Variants in MTRF1 observed in about 807,000 individuals in gnomAD.
MTRF1 encodes mitochondrial translation release factor 1.
Under a neutral mutation model 62.9 loss-of-function variants are expected in MTRF1, and 51 were observed. That is an observed-to-expected ratio of 0.81 (90% CI 0.65 to 1.02). The LOEUF is 1.02. Ranked by LOEUF, MTRF1 falls within the 50% of genes least tolerant of loss-of-function variation. The probability of loss-of-function intolerance (pLI) is 0.00; values close to 1 mark genes in which losing one functional copy is unlikely to be tolerated. For missense variants in MTRF1, 446 were observed against 530.0 expected (o/e 0.84, Z 1.56); for synonymous variants, 158 against 181.9 (o/e 0.87, Z 1.06).
chr13:41,234,860 A>AG (rs1490023465), intron 6 of MTRF1, among the ~76,000 whole-genome samples: 5 of 152,130 alleles, frequency 3.3e-5, no homozygotes, highest in African/African-American at 4.8e-5. Context: ...ATGGAGGTGT[A>AG]GGGGGCAGAG....
chr13:41,263,244 C>T (rs2040673521), intron 1 of MTRF1: 2 of 1,286,790 alleles, frequency 1.6e-6, no homozygotes, highest in East Asian at 5.6e-5. Flanking sequence ...CAAAACAAAA[C>T]AAGATGTTTA....
the MTRF1 span, among the ~76,000 whole-genome samples, chr13:41,287,261 T>C: frequency 6.6e-6 from 1 of 152,212 alleles, no homozygotes; most frequent in Non-Finnish European, 1.5e-5. Flanking sequence ...CTTTCATTCA[T>C]GGCGGAAGGT....
At chr13:41,218,378 C>T (rs1194114762) in intron 9 of MTRF1, among the ~76,000 whole-genome samples, 1 of 150,222 alleles carries the variant, frequency 6.7e-6, no homozygotes, top group African/African-American at 2.5e-5. Flanking sequence ...CCCACCTCTG[C>T]CTCTCAAAGT....
the MTRF1 span, among the ~76,000 whole-genome samples, chr13:41,272,353 G>T: frequency 4.6e-5 from 7 of 152,166 alleles, no homozygotes. Context: ...AACATTGTTT[G>T]TTGTTTGTTT....
intron 7 of MTRF1, among the ~76,000 whole-genome samples, chr13:41,228,170 AC>A (rs199765962): frequency 9.4e-6 from 1 of 106,824 alleles, no homozygotes; most frequent in Non-Finnish European, 2.2e-5. Flanking sequence ...TAAGGGAATC[AC>A]TTTATTATGT....
intron 2 of MTRF1, among the ~76,000 whole-genome samples, chr13:41,259,518 G>C (rs2040142939): frequency 6.6e-6 from 1 of 151,738 alleles, no homozygotes; most frequent in South Asian, 2.1e-4. Context: ...TGGCCAACAT[G>C]GTGAAACCCC....
At chr13:41,265,191 G>A (rs1179393564), upstream of MTRF1, among the ~76,000 whole-genome samples, 3 of 152,164 alleles carry the variant, frequency 2.0e-5, no homozygotes. Context: ...GGGAGGCCGA[G>A]CCAGGTGGAT....
In MTRF1 at chr13:41,252,563, AT is replaced by A. The variant is rs2039205165; in HGVS notation, c.697+81del. 1.0e-5 allele frequency: 11 copies of A among 1,081,396 alleles called. No homozygotes were observed. In the South Asian group the frequency reaches 1.6e-4, roughly 16 times the overall value. The allele number at this position is 1,081,396 out of a possible 1,614,324, so 67.0% of individuals were successfully genotyped here. A position where few individuals can be genotyped will look rare whatever the true frequency, so the allele number is the denominator to read the frequency against. On this transcript the variant is annotated intron_variant, in intron 5 of 9. Transcript: ENST00000379480. ...TATACACCAAAAGTTTCAAAAAAAA[AT>A]GGGACAATATGGTTCTAATCAAGAT... is the stretch of plus-strand genomic sequence containing the variant.
chr13:41,216,379 A>G lies in MTRF1; in HGVS notation c.*736T>C, dbSNP rs2031948575. On this transcript the variant is annotated 3_prime_UTR_variant, in exon 10 of 10. Transcript: ENST00000379480. ...AAGTCAAACAAAGAGTCTATTTAAA[A>G]TATCAGCTTATTGTTTATATAGTGT... 6.6e-6 allele frequency: 1 copy of G among 151,792 alleles called. No homozygotes were observed. Among genetic ancestry groups the G allele is most frequent in the Non-Finnish European group, 1.5e-5 (1 of 67,942 alleles). The allele number at this position is 151,792 out of a possible 1,614,324, so 9.4% of individuals were successfully genotyped here. A position where few individuals can be genotyped will look rare whatever the true frequency, so the allele number is the denominator to read the frequency against.
the MTRF1 span, among the ~76,000 whole-genome samples, chr13:41,282,208 G>T: frequency 6.6e-6 from 1 of 151,710 alleles, no homozygotes; most frequent in Middle Eastern, 3.2e-3. Context: ...GTAAGAATAG[G>T]CTAATGGCGA....
At chr13:41,243,649 G>GTTGCAGCAGGC (rs2037843806) in intron 5 of MTRF1, among the ~76,000 whole-genome samples, 1 of 152,090 alleles carries the variant, frequency 6.6e-6, no homozygotes, top group Non-Finnish European at 1.5e-5. Flanking sequence ...TGCAAGTAGG[G>GTTGCAGCAGGC]TAAAATCTCA....
At chr13:41,273,615 A>G in the MTRF1 span, among the ~76,000 whole-genome samples, 5 of 152,114 alleles carry the variant, frequency 3.3e-5, no homozygotes, top group African/African-American at 4.8e-5. Context: ...AGGCAGGTGG[A>G]TCACCTGAGG....
chr13:41,217,808 C>G (rs377109151), intron 9 of MTRF1, among the ~76,000 whole-genome samples: 21 of 152,190 alleles, frequency 1.4e-4, no homozygotes, highest in East Asian at 7.7e-4. Context: ...GGAAGCCTCC[C>G]CCGACCATTC....
At chr13:41,265,004 A>G (rs961204522), upstream of MTRF1, among the ~76,000 whole-genome samples, 1 of 152,248 alleles carries the variant, frequency 6.6e-6, no homozygotes, top group Admixed American at 6.5e-5. Context: ...GTAGGGGAAA[A>G]GTTTCAAAGG....
the MTRF1 span, among the ~76,000 whole-genome samples, chr13:41,301,310 T>C: frequency 6.6e-6 from 1 of 152,146 alleles, no homozygotes; most frequent in Non-Finnish European, 1.5e-5. Flanking sequence ...AGAAAAGGCA[T>C]ACACAATTTT....
the MTRF1 span, among the ~76,000 whole-genome samples, chr13:41,298,392 A>AAT: frequency 6.6e-6 from 1 of 150,820 alleles, no homozygotes; most frequent in South Asian, 2.1e-4. Context: ...CACTATTACG[A>AAT]AGTTACACTC....
the MTRF1 span, among the ~76,000 whole-genome samples, chr13:41,299,422 C>T: frequency 0.88 from 133,191 of 152,134 alleles, 58,426 homozygotes; most frequent in South Asian, 0.91. Flanking sequence ...GATAAACTAG[C>T]TTAGGTATTT....
At chr13:41,290,910 T>C in the MTRF1 span, among the ~76,000 whole-genome samples, 1 of 149,606 alleles carries the variant, frequency 6.7e-6, no homozygotes, top group African/African-American at 2.4e-5. Flanking sequence ...CTGACCAACA[T>C]GGAGAAACCC....
the MTRF1 span, among the ~76,000 whole-genome samples, chr13:41,306,858 C>T: frequency 6.6e-6 from 1 of 152,190 alleles, no homozygotes; most frequent in Non-Finnish European, 1.5e-5. Flanking sequence ...CAGATTTACA[C>T]AGTATTTGTT....
Sources: allele counts gnomAD v4.1 joint callset (sites outside exome capture counted in the v4.1 genomes callset), GRCh38; gene constraint gnomAD v4.1.1; transcripts MANE v1.5; gene names NCBI Gene and HGNC (gene_info 2026-07-23, HGNC 2026-07-21).